The following OTUD6B variants were observed in gnomAD, a reference collection of about 807,000 sequenced individuals.
The protein encoded by OTUD6B is OTU deubiquitinase 6B.
OTUD6B carries 41 observed loss-of-function variants against 36.9 expected under a neutral mutation model. That is an observed-to-expected ratio of 1.11 (90% confidence interval 0.87 to 1.44). OTUD6B has a LOEUF of 1.44. OTUD6B is among the 40% of genes most tolerant of loss of function. The pLI is 0.00. For synonymous variants in OTUD6B, 114 were observed against 114.2 expected, an observed-to-expected ratio of 1.00 and a Z score of 0.01; for missense variants, 356 against 344.8, an observed-to-expected ratio of 1.03 and a Z score of -0.26.
At chr8:91,080,755 A>G (rs1812889080) in intron 5 of OTUD6B, 25 bp downstream of exon 5, 1 of 1,540,820 alleles carries the variant, frequency 6.5e-7, no homozygotes, top group African/African-American at 1.4e-5. Context: ...ATTCATAGTG[A>G]TTGTGGGTTG....
At chr8:91,083,532 C>T (rs752112662) in intron 5 of OTUD6B, among the ~76,000 whole-genome samples, 6 of 151,990 alleles carry the variant, frequency 3.9e-5, no homozygotes, top group Non-Finnish European at 5.9e-5. Context: ...ATTTGAAATT[C>T]GAAATGCTCC....
chr8:91,081,270 A>G (rs575104752), intron 5 of OTUD6B, among the ~76,000 whole-genome samples: 1 of 151,876 alleles, frequency 6.6e-6, no homozygotes, highest in South Asian at 2.1e-4. Flanking sequence ...CATTAAATTC[A>G]TATGTAAGAA....
chr8:91,072,293 G>T (rs1223961888), intron 2 of OTUD6B, among the ~76,000 whole-genome samples: 1 of 152,174 alleles, frequency 6.6e-6, no homozygotes, highest in Non-Finnish European at 1.5e-5. Context: ...CTTTGTCCAG[G>T]AGTCGTAACA....
intron 3 of OTUD6B, among the ~76,000 whole-genome samples, chr8:91,076,281 T>G (rs10091010): frequency 0.041 from 6,225 of 152,140 alleles, 178 homozygotes; most frequent in African/African-American, 0.073. Flanking sequence ...TACGTTTTTA[T>G]TAGAACTTAT....
chr8:91,083,874 C>T, intron 5 of OTUD6B, 134 bp from the exon 6 acceptor site: 1 of 923,216 alleles, frequency 1.1e-6, no homozygotes, highest in South Asian at 2.3e-5. Flanking sequence ...TATTAAGTGC[C>T]CAGTATATAC....
intron 2 of OTUD6B, among the ~76,000 whole-genome samples, chr8:91,073,547 T>C (rs1586203339): frequency 6.6e-6 from 1 of 152,136 alleles, no homozygotes; most frequent in South Asian, 2.1e-4. Context: ...AGTGGAGTGC[T>C]AAATGAGTTG....
intron 3 of OTUD6B, among the ~76,000 whole-genome samples, chr8:91,074,866 C>T (rs1812773596): frequency 6.6e-6 from 1 of 151,922 alleles, no homozygotes; most frequent in Non-Finnish European, 1.5e-5. Context: ...GGGTACGGTT[C>T]TTCTTTAAGC....
intron 2 of OTUD6B, 27 bp from the exon 3 acceptor site, chr8:91,073,803 AC>A: frequency 1.9e-6 from 3 of 1,540,076 alleles, no homozygotes; most frequent in Non-Finnish European, 2.6e-6. Context: ...AAGTACATTG[AC>A]TTGTTAATGC....
intron 4 of OTUD6B, among the ~76,000 whole-genome samples, chr8:91,079,590 C>T (rs1812862011): frequency 6.6e-6 from 1 of 152,128 alleles, no homozygotes; most frequent in Non-Finnish European, 1.5e-5. Flanking sequence ...TAACTTATCT[C>T]TTGCTGTTTT....
intron 2 of OTUD6B, among the ~76,000 whole-genome samples, chr8:91,073,318 A>G (rs1328392282): frequency 6.6e-6 from 1 of 152,206 alleles, no homozygotes; most frequent in Non-Finnish European, 1.5e-5. Flanking sequence ...TACAAATTAA[A>G]TATATTTTCT....
Position 91,078,359 on chromosome 8 carries a change from A to T in OTUD6B, c.319A>T (p.Lys107Ter). 1 of 1,560,828 alleles carries T rather than the reference A, an allele frequency of 6.4e-7. No homozygotes were observed. The highest frequency in any genetic ancestry group is 8.7e-7 in the Non-Finnish European group (1 of 1,154,432). Residue 107 changes from lysine to a stop codon, truncating the protein, a stop_gained, in exon 4 of 7, where the codon AAG becomes TAG. Coordinates refer to ENST00000404789, the MANE Select transcript of OTUD6B (RefSeq NM_016023.5). LOFTEE classifies it high-confidence loss of function. ...TCATGCATTCTGCTTTTCTTAGGAA[A>T]AGAAAGCTGCATTGGAAAAGGAGCG... Reference protein sequence around the residue: ...RISKAQKRREKKAALEKEREE... With the variant: ...RISKAQKRRE
rs1812994249 is a variant in OTUD6B, at chr8:91,085,341, G to T, written c.*473G>T. On this transcript the variant is annotated 3_prime_UTR_variant, in exon 7 of 7. Coordinates refer to ENST00000404789, the MANE Select transcript of OTUD6B (RefSeq NM_016023.5). Reference sequence around the variant, plus strand: ...TATTGCTTATAAAATGAACTTGATTGCAGTAACCATGGTATCGATGAGACT... The same window carrying T: ...TATTGCTTATAAAATGAACTTGATTTCAGTAACCATGGTATCGATGAGACT... 1.3e-5 allele frequency: 2 copies of T among 152,058 alleles called. No homozygotes were observed. The highest frequency in any genetic ancestry group is 6.6e-5 in the Admixed American group (1 of 15,234). 9.4% of individuals were successfully genotyped at this position (152,058 alleles called of 1,614,324 possible).
At chr8:91,083,001 G>A (rs1156722109) in intron 5 of OTUD6B, among the ~76,000 whole-genome samples, 3 of 151,778 alleles carry the variant, frequency 2.0e-5, no homozygotes, top group Non-Finnish European at 2.9e-5. Flanking sequence ...GAGCCACTGT[G>A]CCTGGCCCGT....
Position 91,070,449 on chromosome 8 carries a change from A to T in OTUD6B, c.65A>T (p.Glu22Val). The change falls in exon 1 of 7, where the codon GAG (glutamate) becomes GTG (valine). Residue 22 changes from glutamate to valine, a missense_variant. Glu to Val is a moderately radical substitution (Grantham distance 121, BLOSUM62 -2). Coordinates refer to ENST00000404789, the MANE Select transcript of OTUD6B (RefSeq NM_016023.5). ...CAGCTGCTGAGAAGGCATCGCAAAGAGAAGAAGGAGTTGCAAGGTGAGGCG... is the reference window on the plus strand; with the variant it reads ...CAGCTGCTGAGAAGGCATCGCAAAGTGAAGAAGGAGTTGCAAGGTGAGGCG... Reference protein sequence around the residue: ...EEQLLRRHRKEKKELQAKIQG... With the variant: ...EEQLLRRHRKVKKELQAKIQG... 6.3e-7 allele frequency: 1 copy of T among 1,575,664 alleles called. No homozygotes were observed. Among genetic ancestry groups the T allele is most frequent in the Non-Finnish European group, 8.6e-7 (1 of 1,160,200 alleles).
At chr8:91,084,314 G>A (rs890769121) in intron 6 of OTUD6B, among the ~76,000 whole-genome samples, 200 bp downstream of exon 6, 1 of 152,078 alleles carries the variant, frequency 6.6e-6, no homozygotes, top group African/African-American at 2.4e-5. Context: ...ATACTGTCCT[G>A]GTTTGACATT....
chr8:91,078,411 T>C lies in OTUD6B; in HGVS notation c.371T>C (p.Ile124Thr). 2 of 1,596,564 alleles carry C rather than the reference T, an allele frequency of 1.3e-6. No individual in the cohort carries two copies. Among genetic ancestry groups the C allele is most frequent in the South Asian group, 1.1e-5 (1 of 88,192 alleles). Residue 124 changes from isoleucine to threonine, a missense_variant, in exon 4 of 7, where the codon ATT (isoleucine) becomes ACT (threonine). Ile to Thr is a moderately conservative substitution (Grantham distance 89). Coordinates refer to ENST00000404789, the MANE Select transcript of OTUD6B (RefSeq NM_016023.5). ...EREERIAEAE[I>T]ENLTGARHME... is the part of the protein sequence containing the mutation. Reference sequence around the variant, plus strand: ...GAAGAACGGATAGCTGAAGCTGAAATTGAAAACTTAACAGGAGCCAGACAT... The same window carrying C: ...GAAGAACGGATAGCTGAAGCTGAAACTGAAAACTTAACAGGAGCCAGACAT...
At position 91,087,066 on chromosome 8, in the gene OTUD6B, AG is replaced by A. The variant is rs1217588091; in HGVS notation, c.*2199del. ...ATATTATGTGATGTTTGCCAAAAAA[AG>A]AATAAAAAATGAATGAATTAAATCA... On this transcript the variant is annotated 3_prime_UTR_variant, in exon 7 of 7. Transcript: ENST00000404789. 6.6e-6 allele frequency: 1 copy of A among 152,098 alleles called. No homozygotes were observed. Among genetic ancestry groups the A allele is most frequent in the Admixed American group, 6.6e-5 (1 of 15,254 alleles). 9.4% of individuals were successfully genotyped at this position (152,098 alleles called of 1,614,324 possible). A position where few individuals can be genotyped will look rare whatever the true frequency, so the allele number is the denominator to read the frequency against.
At chr8:91,079,767 G>A (rs1812865639) in intron 4 of OTUD6B, among the ~76,000 whole-genome samples, 1 of 152,082 alleles carries the variant, frequency 6.6e-6, no homozygotes, top group Non-Finnish European at 1.5e-5. Flanking sequence ...TAGTTGTAGG[G>A]CATAGAGGAG....
chr8:91,072,013 T>G (rs2130425122), intron 2 of OTUD6B, among the ~76,000 whole-genome samples: 1 of 152,340 alleles, frequency 6.6e-6, no homozygotes. Context: ...AAAGTGAACG[T>G]GAAGTCATTT....
Sources: allele counts gnomAD v4.1 joint callset (sites outside exome capture counted in the v4.1 genomes callset), GRCh38; gene constraint gnomAD v4.1.1; transcripts MANE v1.5; gene names NCBI Gene and HGNC (gene_info 2026-07-23, HGNC 2026-07-21).